DYNC2I1: variants seen among roughly 807,000 people sequenced by gnomAD.
DYNC2I1 encodes the protein cytoplasmic dynein 2 intermediate chain 1.
DYNC2I1 carries 89 observed loss-of-function variants against 133.4 expected under a neutral mutation model. The ratio of observed to expected loss-of-function variants is 0.67; its 90% CI spans 0.56 to 0.80. The LOEUF is 0.80. DYNC2I1 is among the 30% of genes least tolerant of loss of function. The probability of loss-of-function intolerance (pLI) is 0.00; values close to 1 mark genes in which losing one functional copy is unlikely to be tolerated. For missense variants in DYNC2I1, 1,291 were observed against 1,314.5 expected, an observed-to-expected ratio of 0.98 and a Z score of 0.28; for synonymous variants, 504 against 484.3, an observed-to-expected ratio of 1.04 and a Z score of -0.54.
At chr7:158,852,411 C>T (rs1285825088), upstream of DYNC2I1, among the ~76,000 whole-genome samples, 1 of 151,682 alleles carries the variant, frequency 6.6e-6, no homozygotes. Flanking sequence ...TGAGCCACCG[C>T]GCCCGGCCTG....
chr7:158,920,062 A>AGT (rs976489385), intron 15 of DYNC2I1, among the ~76,000 whole-genome samples: 1 of 147,672 alleles, frequency 6.8e-6, no homozygotes, highest in Non-Finnish European at 1.5e-5. Context: ...GAACACGTGA[A>AGT]GTGTGTGTGT....
chr7:158,919,754 A>G (rs1307541068), intron 15 of DYNC2I1, among the ~76,000 whole-genome samples: 1 of 152,218 alleles, frequency 6.6e-6, no homozygotes, highest in Non-Finnish European at 1.5e-5. Flanking sequence ...AAGTCTTCAC[A>G]TTCTTTGAGA....
At chr7:158,939,305 G>A (rs1851095736) in intron 23 of DYNC2I1, among the ~76,000 whole-genome samples, 1 of 152,024 alleles carries the variant, frequency 6.6e-6, no homozygotes, top group Non-Finnish European at 1.5e-5. Flanking sequence ...GTACAGTGGT[G>A]CCCATGCCCA....
chr7:158,871,799 G>A (rs1349829476), intron 3 of DYNC2I1, among the ~76,000 whole-genome samples: 1 of 152,082 alleles, frequency 6.6e-6, no homozygotes, highest in Non-Finnish European at 1.5e-5. Context: ...GCCTCCCAAA[G>A]GACTGGCATT....
At chr7:158,863,621 G>A (rs1188957747) in intron 1 of DYNC2I1, among the ~76,000 whole-genome samples, 3 of 115,136 alleles carry the variant, frequency 2.6e-5, no homozygotes, top group Non-Finnish European at 5.2e-5. Context: ...AGCTCCGGGT[G>A]TGTTTGGGGG....
At chr7:158,937,622 G>GAAAAAAAAAAAAAAAAAAAAA (rs71189438) in intron 23 of DYNC2I1, among the ~76,000 whole-genome samples, 7 of 109,456 alleles carry the variant, frequency 6.4e-5, no homozygotes, top group African/African-American at 1.5e-4. Context: ...ACTGTCTCAA[G>GAAAAAAAAAAAAAAAAAAAAA]AAAAAAAAAA....
intron 10 of DYNC2I1, chr7:158,904,772 A>C (rs1230046485): frequency 5.9e-6 from 1 of 168,710 alleles, no homozygotes; most frequent in East Asian, 1.7e-4. Context: ...TCCCATGGTC[A>C]TGAAGCAAGT....
At chr7:158,908,799 T>C (rs1405283168) in intron 11 of DYNC2I1, among the ~76,000 whole-genome samples, 1 of 152,116 alleles carries the variant, frequency 6.6e-6, no homozygotes, top group Non-Finnish European at 1.5e-5. Flanking sequence ...CCACAGGAAA[T>C]ACCTGTCGGT....
At chr7:158,840,855 C>A in the DYNC2I1 span, among the ~76,000 whole-genome samples, 2 of 152,038 alleles carry the variant, frequency 1.3e-5, no homozygotes, top group African/African-American at 4.8e-5. Context: ...CCAGAGAGAG[C>A]TCCGTGCTTC....
At chr7:158,938,853 A>T (rs192085747) in intron 23 of DYNC2I1, among the ~76,000 whole-genome samples, 53 of 152,304 alleles carry the variant, frequency 3.5e-4, no homozygotes, top group African/African-American at 1.2e-3. Context: ...CAAGGTATAA[A>T]ACCCATTCAT....
chr7:158,886,242 C>T lies in DYNC2I1; in HGVS notation c.936-779C>T, dbSNP rs187358194. Among the ~76,000 whole-genome samples, 785 of 152,114 alleles carry T rather than the reference C, an allele frequency of 5.2e-3. 4 individuals are homozygous for T. Among genetic ancestry groups the T allele is most frequent in the Middle Eastern group, 0.027 (8 of 292 alleles). On this transcript the variant is annotated intron_variant, in intron 6 of 24. Transcript: ENST00000407559. ...ACCTCCCTGGTTCAAGCAAATTCCC[C>T]TGCCTCAGCCTCCTGAGTAGCTGGG...
chr7:158,898,870 G>GT lies in DYNC2I1; in HGVS notation c.1060-2857dup, dbSNP rs558644591. Among the ~76,000 whole-genome samples, 903 of 139,522 alleles carry GT rather than the reference G, an allele frequency of 6.5e-3. 18 individuals are homozygous for GT. Among genetic ancestry groups the GT allele is most frequent in the African/African-American group, 0.019 (740 of 38,170 alleles). 91.5% of individuals were successfully genotyped at this position (139,522 alleles called of 152,430 possible). On this transcript the variant is annotated intron_variant, in intron 8 of 24. Transcript: ENST00000407559. ...TTTCTTAGCATATCAGTTAAAGGTT[G>GT]TTTTTTTTTTTTAACTTTTTAAAGT... is the stretch of plus-strand genomic sequence containing the variant.
At chr7:158,876,566 G>A in intron 3 of DYNC2I1, 43 bp from the exon 4 acceptor site, 1 of 1,515,938 alleles carries the variant, frequency 6.6e-7, no homozygotes, top group Non-Finnish European at 8.8e-7. Flanking sequence ...TTTTTGATGT[G>A]CTAACATTTG....
chr7:158,928,714 T>C (rs1849874801), intron 20 of DYNC2I1, among the ~76,000 whole-genome samples: 1 of 152,096 alleles, frequency 6.6e-6, no homozygotes, highest in African/African-American at 2.4e-5. Flanking sequence ...GCAGGGGTCC[T>C]GGTGCCTCCT....
At chr7:158,848,653 G>T in the DYNC2I1 span, among the ~76,000 whole-genome samples, 3 of 151,892 alleles carry the variant, frequency 2.0e-5, no homozygotes, top group South Asian at 4.2e-4. Flanking sequence ...GGCCGGGCGC[G>T]GTGACTCACG....
At chr7:158,856,802 T>G in intron 1 of DYNC2I1, 52 bp downstream of exon 1, 1 of 1,231,030 alleles carries the variant, frequency 8.1e-7, no homozygotes. Flanking sequence ...CGCGGACTCC[T>G]TCGGGCGCCG....
At chr7:158,891,137 C>A in intron 7 of DYNC2I1, 128 bp from the exon 8 acceptor site, 2 of 966,750 alleles carry the variant, frequency 2.1e-6, no homozygotes, top group South Asian at 1.4e-5. Context: ...GCGTTAGTTT[C>A]GTAGTCTGTG....
downstream of DYNC2I1, among the ~76,000 whole-genome samples, chr7:158,957,465 T>G (rs914859572): frequency 6.6e-6 from 1 of 152,220 alleles, no homozygotes; most frequent in Non-Finnish European, 1.5e-5. Flanking sequence ...CCAAAAAACC[T>G]ACCAGGTAGC....
At chr7:158,859,166 C>T (rs1012126823) in intron 1 of DYNC2I1, among the ~76,000 whole-genome samples, 9 of 150,178 alleles carry the variant, frequency 6.0e-5, no homozygotes, top group African/African-American at 2.0e-4. Context: ...TGGCCTGTCG[C>T]ATACCTTTTT....
Sources: allele counts gnomAD v4.1 joint callset (sites outside exome capture counted in the v4.1 genomes callset), GRCh38; gene constraint gnomAD v4.1.1; transcripts MANE v1.5; gene names NCBI Gene and HGNC (gene_info 2026-07-23, HGNC 2026-07-21).